Variants in KCTD16 observed in about 807,000 individuals in gnomAD.
KCTD16 encodes potassium channel tetramerization domain containing 16, also known as BTB/POZ domain-containing protein KCTD16.
KCTD16 carries 13 observed loss-of-function variants against 33.2 expected under a neutral mutation model. The ratio of observed to expected loss-of-function variants is 0.39; its 90% CI spans 0.25 to 0.62. KCTD16 has a LOEUF of 0.62. Ranked by LOEUF, KCTD16 falls within the 20% of genes least tolerant of loss-of-function variation. The probability of loss-of-function intolerance (pLI) is 0.50; values close to 1 mark genes in which losing one functional copy is unlikely to be tolerated. For missense variants in KCTD16, 441 were observed against 525.1 expected (o/e 0.84, Z 1.57); for synonymous variants, 197 against 195.3 (o/e 1.01, Z -0.07).
At chr5:144,468,081 C>G (rs1455590605) in intron 3 of KCTD16, among the ~76,000 whole-genome samples, 3 of 152,148 alleles carry the variant, frequency 2.0e-5, no homozygotes, top group Admixed American at 1.3e-4. Context: ...TTTTTCCCCT[C>G]TATAATCCCC....
At chr5:144,297,303 C>A (rs1414794590) in intron 3 of KCTD16, among the ~76,000 whole-genome samples, 1 of 152,044 alleles carries the variant, frequency 6.6e-6, no homozygotes, top group African/African-American at 2.4e-5. Flanking sequence ...TGTTTGGCTG[C>A]AAGTAAGAAA....
In KCTD16 at chr5:144,475,113, A is replaced by T. The variant is rs1009757654; in HGVS notation, c.*999A>T. ...CAGTTTAATGGTGTGGCCTTTCCAC[A>T]TAATCCACATTAAGTTCTGTGTTCC... On this transcript the variant is annotated 3_prime_UTR_variant, in exon 4 of 4. Coordinates refer to ENST00000512467, the MANE Select transcript of KCTD16 (RefSeq NM_020768.4). 6.6e-6 allele frequency: 1 copy of T among 152,240 alleles called. No homozygotes were observed. The highest frequency in any genetic ancestry group is 6.5e-5 in the Admixed American group (1 of 15,288). 9.4% of individuals were successfully genotyped at this position (152,240 alleles called of 1,614,324 possible). A position where few individuals can be genotyped will look rare whatever the true frequency, so the allele number is the denominator to read the frequency against.
At chr5:144,397,996 T>A (rs1394224649) in intron 3 of KCTD16, among the ~76,000 whole-genome samples, 2 of 152,204 alleles carry the variant, frequency 1.3e-5, no homozygotes, top group Non-Finnish European at 2.9e-5. Context: ...CAATCCCAGA[T>A]CTTGCTCTAG....
intron 3 of KCTD16, among the ~76,000 whole-genome samples, chr5:144,419,127 A>G (rs569247074): frequency 4.6e-5 from 7 of 152,290 alleles, no homozygotes; most frequent in African/African-American, 1.7e-4. Context: ...GATCTTGGTA[A>G]GAAGTTATTT....
At chr5:144,451,537 A>C (rs966687339) in intron 3 of KCTD16, among the ~76,000 whole-genome samples, 1 of 152,168 alleles carries the variant, frequency 6.6e-6, no homozygotes, top group Admixed American at 6.5e-5. Context: ...CAAAAGTCTC[A>C]CTTTTTTTTT....
intron 3 of KCTD16, among the ~76,000 whole-genome samples, chr5:144,239,211 C>G (rs1038263347): frequency 2.0e-5 from 3 of 152,050 alleles, no homozygotes; most frequent in Non-Finnish European, 4.4e-5. Flanking sequence ...CCTTAGGAAG[C>G]CATGATGCTA....
At chr5:144,422,791 C>G (rs1044988041) in intron 3 of KCTD16, among the ~76,000 whole-genome samples, 1 of 152,052 alleles carries the variant, frequency 6.6e-6, no homozygotes, top group Non-Finnish European at 1.5e-5. Flanking sequence ...AATGATATGT[C>G]AAAATACTCC....
At chr5:144,466,357 C>T (rs1754332656) in intron 3 of KCTD16, among the ~76,000 whole-genome samples, 1 of 150,840 alleles carries the variant, frequency 6.6e-6, no homozygotes, top group South Asian at 2.1e-4. Context: ...TCCCACACAT[C>T]AGGAAGAGCA....
At position 144,485,320 on chromosome 5, in the gene KCTD16, G is replaced by A. The variant is rs1233334675; in HGVS notation, c.*11206G>A. 4 of 151,728 alleles carry A rather than the reference G, an allele frequency of 2.6e-5. No homozygotes were observed. The highest frequency in any genetic ancestry group is 9.7e-5 in the African/African-American group (4 of 41,418). The allele number at this position is 151,728 out of a possible 1,614,324, so 9.4% of individuals were successfully genotyped here. Reference sequence around the variant, plus strand: ...TATAAATATATACATACATATCTATGTATGCAATATCTACACTGCGAATTA... The same window carrying A: ...TATAAATATATACATACATATCTATATATGCAATATCTACACTGCGAATTA... On this transcript the variant is annotated 3_prime_UTR_variant, in exon 4 of 4. Coordinates refer to ENST00000512467, the MANE Select transcript of KCTD16 (RefSeq NM_020768.4).
At chr5:144,350,697 C>T (rs529222413) in intron 3 of KCTD16, among the ~76,000 whole-genome samples, 80 of 151,982 alleles carry the variant, frequency 5.3e-4, no homozygotes, top group African/African-American at 1.7e-3. Context: ...AACTTTTTTT[C>T]GCAGCATCAG....
intron 3 of KCTD16, among the ~76,000 whole-genome samples, chr5:144,431,360 G>T (rs1753457197): frequency 6.6e-6 from 1 of 152,098 alleles, no homozygotes; most frequent in South Asian, 2.1e-4. Flanking sequence ...ACTTGCTTTA[G>T]CTTCTTCACA....
intron 2 of KCTD16, among the ~76,000 whole-genome samples, chr5:144,185,954 C>G (rs1752717083): frequency 1.3e-5 from 2 of 152,076 alleles, no homozygotes; most frequent in Admixed American, 1.3e-4. Flanking sequence ...ACCTGAGGTG[C>G]AAAAGTTTCT....
At chr5:144,444,112 T>G (rs1318477290) in intron 3 of KCTD16, among the ~76,000 whole-genome samples, 1 of 152,110 alleles carries the variant, frequency 6.6e-6, no homozygotes, top group African/African-American at 2.4e-5. Context: ...ATATTCGTGC[T>G]AGGCATACTC....
chr5:144,355,871 A>T (rs1276910100), intron 3 of KCTD16, among the ~76,000 whole-genome samples: 1 of 152,138 alleles, frequency 6.6e-6, no homozygotes, highest in African/African-American at 2.4e-5. Flanking sequence ...TTCTTGCTAT[A>T]AAAATCCTAT....
At chr5:144,268,680 A>G (rs1755213392) in intron 3 of KCTD16, among the ~76,000 whole-genome samples, 1 of 152,180 alleles carries the variant, frequency 6.6e-6, no homozygotes, top group South Asian at 2.1e-4. Flanking sequence ...AAAAAAGATA[A>G]TGACAAGGCA....
At chr5:144,224,043 T>C (rs1371368651) in intron 3 of KCTD16, among the ~76,000 whole-genome samples, 1 of 152,176 alleles carries the variant, frequency 6.6e-6, no homozygotes, top group Non-Finnish European at 1.5e-5. Flanking sequence ...AGGTTCGTAG[T>C]AGTGTGTTCA....
intron 3 of KCTD16, among the ~76,000 whole-genome samples, chr5:144,431,396 G>A (rs918441397): frequency 1.8e-4 from 27 of 152,144 alleles, no homozygotes; most frequent in African/African-American, 5.3e-4. Flanking sequence ...TTGAATGACC[G>A]ACTTAAAGTC....
intron 3 of KCTD16, among the ~76,000 whole-genome samples, chr5:144,358,334 G>T (rs1026937023): frequency 5.9e-5 from 9 of 152,116 alleles, no homozygotes; most frequent in Non-Finnish European, 1.5e-5. Context: ...GAAACACAAA[G>T]GTGGTGAGAG....
intron 2 of KCTD16, among the ~76,000 whole-genome samples, chr5:144,203,277 C>G (rs986625433): frequency 6.6e-6 from 1 of 151,580 alleles, no homozygotes; most frequent in Non-Finnish European, 1.5e-5. Flanking sequence ...AATATTAATT[C>G]TTGGTGTGCT....
Sources: gnomAD v4.1 joint callset for allele counts (sites outside exome capture counted in the v4.1 genomes callset) on GRCh38, gnomAD v4.1.1 for gene constraint, MANE v1.5 for transcripts, NCBI Gene and HGNC (gene_info 2026-07-23, HGNC 2026-07-21) for gene names.